The following ZNF438 variants were observed in gnomAD, a reference collection of about 807,000 sequenced individuals.
The protein encoded by ZNF438 is zinc finger protein 438.
A neutral mutation model predicts 38.0 loss-of-function variants in ZNF438; 25 were observed. The ratio of observed to expected loss-of-function variants is 0.66; its 90% confidence interval spans 0.48 to 0.92. The LOEUF is 0.92. Among genes scored for constraint, ZNF438 ranks in the 40% least tolerant of loss-of-function variants. The pLI is 0.00. For synonymous variants in ZNF438, 372 were observed against 364.1 expected (o/e 1.02, Z -0.25); for missense variants, 1,007 against 999.6 (o/e 1.01, Z -0.10).
intron 1 of ZNF438, among the ~76,000 whole-genome samples, chr10:30,993,758 C>A (rs2053757557): frequency 6.6e-6 from 1 of 152,246 alleles, no homozygotes; most frequent in Admixed American, 6.5e-5. Flanking sequence ...GCAGGTCCAA[C>A]CTGCGAAAGC....
At chr10:30,912,433 A>T (rs1269647746) in intron 2 of ZNF438, among the ~76,000 whole-genome samples, 1 of 152,118 alleles carries the variant, frequency 6.6e-6, no homozygotes, top group Non-Finnish European at 1.5e-5. Context: ...CTGAATGCTG[A>T]AGAGCCTCAA....
chr10:30,904,063 C>G (rs1373301571), intron 3 of ZNF438, among the ~76,000 whole-genome samples: 1 of 151,098 alleles, frequency 6.6e-6, no homozygotes, highest in African/African-American at 2.4e-5. Context: ...AACAGAGACT[C>G]TCAGAGCAAA....
At chr10:30,852,460 G>A (rs1445320147) in intron 4 of ZNF438, among the ~76,000 whole-genome samples, 1 of 151,940 alleles carries the variant, frequency 6.6e-6, no homozygotes, top group Non-Finnish European at 1.5e-5. Context: ...TGCCCGCCTC[G>A]GCCTCCCAAA....
chr10:30,862,344 C>T (rs2035728005), intron 4 of ZNF438, among the ~76,000 whole-genome samples: 1 of 152,134 alleles, frequency 6.6e-6, no homozygotes, highest in Non-Finnish European at 1.5e-5. Flanking sequence ...CTCTATCACC[C>T]AGGCTGGAGG....
intron 3 of ZNF438, among the ~76,000 whole-genome samples, chr10:30,902,836 G>C (rs2042174680): frequency 6.6e-6 from 1 of 152,252 alleles, no homozygotes; most frequent in African/African-American, 2.4e-5. Context: ...GTGGTAGATG[G>C]GACCAGGCGC....
chr10:31,026,153 C>CTATTAA (rs1196067903), intron 1 of ZNF438, among the ~76,000 whole-genome samples: 1 of 152,152 alleles, frequency 6.6e-6, no homozygotes, highest in African/African-American at 2.4e-5. Flanking sequence ...AAAACCTAGG[C>CTATTAA]AATACCATTC....
At chr10:31,008,575 TTGTTA>T (rs1346177052) in intron 1 of ZNF438, among the ~76,000 whole-genome samples, 2 of 152,226 alleles carry the variant, frequency 1.3e-5, no homozygotes, top group African/African-American at 4.8e-5. Flanking sequence ...TTAGCATGTT[TTGTTA>T]TGTTATAGCA....
intron 2 of ZNF438, among the ~76,000 whole-genome samples, chr10:30,925,532 G>A (rs538598280): frequency 9.9e-5 from 15 of 152,232 alleles, no homozygotes; most frequent in South Asian, 4.1e-4. Flanking sequence ...AAAAGTTATC[G>A]CATTAACCTG....
chr10:30,850,193 T>C lies in ZNF438; in HGVS notation c.212A>G (p.Lys71Arg), dbSNP rs774762221. The change falls in exon 5 of 6, where the codon AAG becomes AGG. Residue 71 changes from lysine to arginine, a missense_variant. Physicochemically the swap from Lys to Arg is conservative, Grantham distance 26 (BLOSUM62 2). Transcript: ENST00000413025. Reference sequence around the variant, plus strand: ...GTTCTGGGTGGACATCCCCAGCAGCTTGGAGTTGATGGAGGGTCCCAGATT... The same window carrying C: ...GTTCTGGGTGGACATCCCCAGCAGCCTGGAGTTGATGGAGGGTCCCAGATT... The C allele has an allele frequency of 8.7e-6, 14 of 1,613,980 alleles. No individual in the cohort carries two copies. The highest frequency in any genetic ancestry group is 5.3e-5 in the African/African-American group (4 of 74,880).
chr10:31,023,529 TAA>T (rs2056749596), intron 1 of ZNF438, among the ~76,000 whole-genome samples: 1 of 152,254 alleles, frequency 6.6e-6, no homozygotes, highest in Non-Finnish European at 1.5e-5. Flanking sequence ...ATTTTTCTTT[TAA>T]GTTTCAGAAG....
At chr10:30,849,066 A>G (rs754781933) in exon 5 of ZNF438, 46 of 1,614,028 alleles carry the variant, frequency 2.9e-5, no homozygotes, top group Non-Finnish European at 3.9e-5. Flanking sequence ...AGGGAGGCCA[A>G]AGTGGGTATG....
intron 1 of ZNF438, among the ~76,000 whole-genome samples, chr10:31,031,014 G>T (rs1174864647): frequency 6.6e-6 from 1 of 152,192 alleles, no homozygotes; most frequent in African/African-American, 2.4e-5. Context: ...AGAGTACCGT[G>T]CTAACGATAC....
At chr10:30,972,008 C>T (rs1167812001) in intron 1 of ZNF438, among the ~76,000 whole-genome samples, 4 of 150,756 alleles carry the variant, frequency 2.7e-5, no homozygotes, top group African/African-American at 9.8e-5. Flanking sequence ...CTTGCTCTGT[C>T]ACCCAGGCTG....
chr10:30,896,039 C>T (rs762904741), intron 3 of ZNF438, among the ~76,000 whole-genome samples: 11 of 152,158 alleles, frequency 7.2e-5, no homozygotes, highest in East Asian at 1.9e-4. Context: ...CGGTGCCTCA[C>T]GCCTGTAATC....
chr10:30,995,069 C>G (rs1280583718), intron 1 of ZNF438, among the ~76,000 whole-genome samples: 1 of 149,898 alleles, frequency 6.7e-6, no homozygotes, highest in Non-Finnish European at 1.5e-5. Flanking sequence ...TGAAAAAGAA[C>G]AAAAAATAAA....
At chr10:30,913,432 C>A (rs553075601) in intron 2 of ZNF438, among the ~76,000 whole-genome samples, 1 of 152,156 alleles carries the variant, frequency 6.6e-6, no homozygotes, top group South Asian at 2.1e-4. Flanking sequence ...AATGCTATTT[C>A]TTCCTCCTCT....
At position 30,962,573 on chromosome 10, in the gene ZNF438, A is replaced by G. The variant is rs1034654620; in HGVS notation, c.-191-20922T>C. Among the ~76,000 whole-genome samples, 22 of 147,672 alleles carry G rather than the reference A, an allele frequency of 1.5e-4. 2 individuals are homozygous for G. The highest frequency in any genetic ancestry group is 1.2e-3 in the Admixed American group (17 of 14,678). ...ATAAAATACCAATATACACTACGTA[A>G]TATACATTGTGATTGCTCCCACTTT... On this transcript the variant is annotated intron_variant, in intron 1 of 5. Coordinates refer to ENST00000413025, the Ensembl canonical transcript of ZNF438.
intron 1 of ZNF438, among the ~76,000 whole-genome samples, chr10:30,964,364 C>T (rs1315855510): frequency 1.3e-5 from 2 of 152,190 alleles, no homozygotes; most frequent in African/African-American, 2.4e-5. Flanking sequence ...TGATTCTTGT[C>T]CATGCCTCTC....
intron 3 of ZNF438, among the ~76,000 whole-genome samples, chr10:30,903,875 G>A (rs757628229): frequency 9.2e-5 from 14 of 152,110 alleles, no homozygotes; most frequent in Non-Finnish European, 1.8e-4. Context: ...TGCAATTACT[G>A]CTGTTCTAGC....
Sources: gnomAD v4.1 joint callset for allele counts (sites outside exome capture counted in the v4.1 genomes callset) on GRCh38, gnomAD v4.1.1 for gene constraint, MANE v1.5 for transcripts, NCBI Gene and HGNC (gene_info 2026-07-23, HGNC 2026-07-21) for gene names.